The following PLXNC1 variants were observed in gnomAD, a reference collection of about 807,000 sequenced individuals.
The protein encoded by PLXNC1 is plexin C1.
Under a neutral mutation model 178.2 loss-of-function variants are expected in PLXNC1, and 75 were observed. The observed-to-expected ratio is 0.42, with a 90% confidence interval of 0.35 to 0.51. The LOEUF (loss-of-function observed/expected upper bound fraction) is 0.51, where lower values mean the gene tolerates loss of function less well. Among genes scored for constraint, PLXNC1 ranks in the 20% least tolerant of loss-of-function variants. The probability of loss-of-function intolerance (pLI) is 0.02; values close to 1 mark genes in which losing one functional copy is unlikely to be tolerated. For synonymous variants in PLXNC1, 790 were observed against 779.9 expected, an observed-to-expected ratio of 1.01 and a Z score of -0.22; for missense variants, 1,503 against 1,984.4, an observed-to-expected ratio of 0.76 and a Z score of 4.61.
intron 1 of PLXNC1, among the ~76,000 whole-genome samples, chr12:94,153,771 G>A (rs926521595): frequency 3.3e-5 from 5 of 152,124 alleles, no homozygotes; most frequent in Middle Eastern, 3.2e-3. Flanking sequence ...CTTCTTCCAC[G>A]CCTACATAAT....
chr12:94,284,658 G>A (rs1326528576), intron 23 of PLXNC1, among the ~76,000 whole-genome samples: 1 of 151,984 alleles, frequency 6.6e-6, no homozygotes, highest in Non-Finnish European at 1.5e-5. Flanking sequence ...TGGGAGGTCT[G>A]GTAACAGCTA....
chr12:94,160,014 T>G (rs1961318779), intron 1 of PLXNC1, among the ~76,000 whole-genome samples: 1 of 152,156 alleles, frequency 6.6e-6, no homozygotes, highest in South Asian at 2.1e-4. Flanking sequence ...AGTTTAATTT[T>G]TGTTGATTTT....
Position 94,260,854 on chromosome 12 carries a change from C to T in PLXNC1, c.3450+14C>T, listed in dbSNP as rs772957979. On this transcript the variant is annotated intron_variant, in intron 20 of 30. Transcript: ENST00000258526. The surrounding 1 kb of genome is among the most constrained non-coding windows in gnomAD (Gnocchi z 4.4). Reference sequence around the variant, plus strand: ...GGATTTCTCCGGGTAAGTGTCACATCCCTCAGCAATGTCAGAGGTAAGACA... The same window carrying T: ...GGATTTCTCCGGGTAAGTGTCACATTCCTCAGCAATGTCAGAGGTAAGACA... 1.2e-6 allele frequency: 2 copies of T among 1,611,614 alleles called. No homozygotes were observed. Among genetic ancestry groups the T allele is most frequent in the South Asian group, 2.2e-5 (2 of 90,986 alleles).
At chr12:94,154,539 G>C (rs1186041368) in intron 1 of PLXNC1, among the ~76,000 whole-genome samples, 1 of 152,186 alleles carries the variant, frequency 6.6e-6, no homozygotes, top group Non-Finnish European at 1.5e-5. Context: ...AGCACGAAGG[G>C]TTAAATAATT....
intron 21 of PLXNC1, among the ~76,000 whole-genome samples, chr12:94,271,157 A>G (rs1339959950): frequency 6.6e-6 from 1 of 152,258 alleles, no homozygotes; most frequent in Non-Finnish European, 1.5e-5. Flanking sequence ...AAATAAAATT[A>G]GAAATATATT....
chr12:94,261,826 CTTAGT>C (rs1380427963), intron 20 of PLXNC1, among the ~76,000 whole-genome samples: 4 of 151,338 alleles, frequency 2.6e-5, no homozygotes, highest in Non-Finnish European at 3.0e-5. Flanking sequence ...ATAGACTGTG[CTTAGT>C]TTAATGTTTA....
intron 20 of PLXNC1, among the ~76,000 whole-genome samples, chr12:94,263,656 G>A (rs1287825921): frequency 3.3e-5 from 5 of 151,996 alleles, no homozygotes; most frequent in African/African-American, 1.2e-4. Flanking sequence ...AGAAGAGAAG[G>A]GTGAGGTTGT....
intron 2 of PLXNC1, among the ~76,000 whole-genome samples, chr12:94,175,687 C>A (rs1962024714): frequency 6.6e-6 from 1 of 152,150 alleles, no homozygotes. Context: ...GCTGAAGAGC[C>A]CTATAAAATC....
At position 94,223,806 on chromosome 12, in the gene PLXNC1, G is replaced by A. The variant is rs79675476; in HGVS notation, c.1703-422G>A. ...AGTATGTTAGGTAAATATTTGCAGC[G>A]TGGATTTTTCTGAAGGTGCAGGATT... On this transcript the variant is annotated intron_variant, in intron 6 of 30. Transcript: ENST00000258526. Among the ~76,000 whole-genome samples, 1,133 of 152,276 alleles carry A rather than the reference G, an allele frequency of 7.4e-3. 33 individuals are homozygous for A. Among genetic ancestry groups the A allele is most frequent in the Admixed American group, 0.054 (821 of 15,286 alleles).
At position 94,298,625 on chromosome 12, in the gene PLXNC1, C is replaced by T; in HGVS notation, c.4075-7C>T. The T allele has an allele frequency of 6.3e-7, 1 of 1,580,910 alleles. No homozygotes were observed. The highest frequency in any genetic ancestry group is 8.6e-7 in the Non-Finnish European group (1 of 1,168,616). ...ATCTCCCAAATCTGATGTTGTCTATCTTTCAGGTGGCAATTCATTCTGTGC... is the reference window on the plus strand; with the variant it reads ...ATCTCCCAAATCTGATGTTGTCTATTTTTCAGGTGGCAATTCATTCTGTGC... On this transcript the variant is annotated splice_polypyrimidine_tract_variant and splice_region_variant and intron_variant, in intron 26 of 30. Coordinates refer to ENST00000258526, the MANE Select transcript of PLXNC1 (RefSeq NM_005761.3).
At chr12:94,299,629 G>A (rs1324271700) in intron 27 of PLXNC1, among the ~76,000 whole-genome samples, 1 of 151,714 alleles carries the variant, frequency 6.6e-6, no homozygotes, top group Non-Finnish European at 1.5e-5. Context: ...GTGGGATCTC[G>A]GTTCACTGCA....
At chr12:94,150,646 T>TG (rs776437712) in intron 1 of PLXNC1, among the ~76,000 whole-genome samples, 26 of 152,142 alleles carry the variant, frequency 1.7e-4, no homozygotes, top group Non-Finnish European at 3.5e-4. Flanking sequence ...ACCGAACCCC[T>TG]GGCGTGAGCC....
chr12:94,183,248 T>G (rs550429176), intron 3 of PLXNC1, among the ~76,000 whole-genome samples: 2 of 152,358 alleles, frequency 1.3e-5, no homozygotes, highest in South Asian at 4.1e-4. Context: ...TTTCTGGTAT[T>G]CTTATAAAGA....
At position 94,181,488 on chromosome 12, in the gene PLXNC1, A is replaced by T; in HGVS notation, c.1246A>T (p.Ile416Phe). 6.3e-7 allele frequency: 1 copy of T among 1,592,726 alleles called. No individual in the cohort carries two copies. The highest frequency in any genetic ancestry group is 8.6e-7 in the Non-Finnish European group (1 of 1,160,908). The change falls in exon 3 of 31, where the codon ATC (isoleucine) becomes TTC (phenylalanine). Residue 416 changes from isoleucine to phenylalanine, a missense_variant. By Grantham distance (21) the Ile-to-Phe change is conservative (BLOSUM62 0). This residue lies in a region of PLXNC1 where 615 missense variants were observed against 698.6 expected (regional missense o/e 0.88). Coordinates refer to ENST00000258526, the MANE Select transcript of PLXNC1 (RefSeq NM_005761.3). ...ENLTSNCPEV[I>F]YEIKEETPVF... The stretch of plus-strand genomic sequence containing the variant: ...TTTGACTTCAAATTGTCCAGAGGTT[A>T]TCTATGAAATTAAAGAAGAGACACC...
At chr12:94,242,306 T>G (rs1964412853) in intron 11 of PLXNC1, among the ~76,000 whole-genome samples, 1 of 47,202 alleles carries the variant, frequency 2.1e-5, no homozygotes, top group Non-Finnish European at 6.3e-5. Flanking sequence ...TCCCCAATTT[T>G]TTTTTTTTTT....
At chr12:94,179,260 CA>C (rs1962213787) in intron 2 of PLXNC1, among the ~76,000 whole-genome samples, 1 of 152,202 alleles carries the variant, frequency 6.6e-6, no homozygotes, top group African/African-American at 2.4e-5. Context: ...TCTCAGGTGC[CA>C]AATTTTTCTT....
At chr12:94,284,088 A>G (rs77979292) in intron 23 of PLXNC1, among the ~76,000 whole-genome samples, 1,904 of 96,594 alleles carry the variant, frequency 0.02, 18 homozygotes, top group African/African-American at 0.062. Flanking sequence ...ATGTCAGGGG[A>G]AAAAAAAAAA....
intron 21 of PLXNC1, chr12:94,277,910 G>T (rs1357544724): frequency 4.4e-6 from 2 of 455,808 alleles, no homozygotes; most frequent in Non-Finnish European, 8.8e-6. Flanking sequence ...GTTGAGGTAG[G>T]CCTGAGGGTT....
intron 21 of PLXNC1, among the ~76,000 whole-genome samples, chr12:94,270,745 A>G (rs930868271): frequency 1.1e-4 from 17 of 151,562 alleles, no homozygotes; most frequent in Non-Finnish European, 1.8e-4. Flanking sequence ...CCTAAATTTG[A>G]GAAAATTATC....
Sources: gnomAD v4.1 joint callset for allele counts (sites outside exome capture counted in the v4.1 genomes callset) on GRCh38, gnomAD v4.1.1 for gene constraint, gnomAD v4.1.1 regional missense constraint, Gnocchi (gnomAD v3.1) non-coding constraint, MANE v1.5 for transcripts, NCBI Gene and HGNC (gene_info 2026-07-23, HGNC 2026-07-21) for gene names.